PRKAR1A: variants seen among roughly 807,000 people sequenced by gnomAD.
PRKAR1A encodes cAMP-dependent protein kinase type I-alpha regulatory subunit.
PRKAR1A carries 3 observed loss-of-function variants against 52.0 expected under a neutral mutation model. The ratio of observed to expected loss-of-function variants is 0.06; its 90% CI spans 0.03 to 0.15. The LOEUF (loss-of-function observed/expected upper bound fraction) is 0.15, where lower values mean the gene tolerates loss of function less well. Among genes scored for constraint, PRKAR1A ranks in the 10% least tolerant of loss-of-function variants. The pLI is 1.00. For missense variants in PRKAR1A, 240 were observed against 477.4 expected, an observed-to-expected ratio of 0.50 and a Z score of 4.63; for synonymous variants, 188 against 168.4, an observed-to-expected ratio of 1.12 and a Z score of -0.90.
downstream of PRKAR1A, chr17:68,535,958 T>C (rs1370857253): frequency 6.6e-6 from 3 of 454,050 alleles, no homozygotes; most frequent in Non-Finnish European, 1.3e-5. Context: ...AGTTCTTCCA[T>C]GCACATTGGA....
downstream of PRKAR1A, chr17:68,536,102 A>C (rs879942743): frequency 2.2e-5 from 10 of 454,014 alleles, no homozygotes; most frequent in Admixed American, 1.6e-4. Flanking sequence ...CAGGGGCAGC[A>C]TACCAGTCAT....
At chr17:68,433,626 G>T in the PRKAR1A span, 1 of 1,455,782 alleles carries the variant, frequency 6.9e-7, no homozygotes, top group East Asian at 2.3e-5. Flanking sequence ...TGGGAGTTAT[G>T]GCCTTATAAC....
chr17:68,465,625 A>ACTTTTTTTTTTTTTTT, the PRKAR1A span, among the ~76,000 whole-genome samples: 1 of 67,186 alleles, frequency 1.5e-5, no homozygotes, highest in African/African-American at 5.8e-5. Context: ...ACGCCCAGCA[A>ACTTTTTTTTTTTTTTT]TTTTTTTTTT....
In PRKAR1A at chr17:68,530,873, G is replaced by T. The variant is rs2085955968; in HGVS notation, c.*424G>T. 12 of 1,139,278 alleles carry T rather than the reference G, an allele frequency of 1.1e-5. No homozygotes were observed. Among genetic ancestry groups the T allele is most frequent in the African/African-American group, 1.6e-5 (1 of 63,766 alleles). 70.6% of individuals were successfully genotyped at this position (1,139,278 alleles called of 1,614,324 possible). On this transcript the variant is annotated 3_prime_UTR_variant, in exon 11 of 11. Coordinates refer to ENST00000589228, the MANE Select transcript of PRKAR1A (RefSeq NM_002734.5). Reference sequence around the variant, plus strand: ...GCCATATATGCTGTATTTCTTTGTAGAATAAATGGTTTCTCATTAAACTCT... The same window carrying T: ...GCCATATATGCTGTATTTCTTTGTATAATAAATGGTTTCTCATTAAACTCT...
the PRKAR1A span, among the ~76,000 whole-genome samples, chr17:68,501,784 C>A: frequency 1.3e-5 from 2 of 152,144 alleles, no homozygotes; most frequent in African/African-American, 4.8e-5. Flanking sequence ...TTCCGACCAG[C>A]AAGGAAGCAA....
At chr17:68,435,843 G>A in the PRKAR1A span, 3 of 793,916 alleles carry the variant, frequency 3.8e-6, no homozygotes, top group East Asian at 2.7e-5. Flanking sequence ...TGTCCCCCAG[G>A]CCATCTGCAT....
At chr17:68,448,203 C>G in the PRKAR1A span, 1 of 152,352 alleles carries the variant, frequency 6.6e-6, no homozygotes, top group African/African-American at 2.4e-5. Flanking sequence ...CACAGAATCC[C>G]TACCTGGCAA....
intron 11 of PRKAR1A, among the ~76,000 whole-genome samples, chr17:68,549,084 T>C (rs570222733): frequency 6.6e-6 from 1 of 152,324 alleles, no homozygotes; most frequent in African/African-American, 2.4e-5. Flanking sequence ...CTGTGAGTTA[T>C]GTTAATTTAT....
chr17:68,433,627 G>T, the PRKAR1A span: 1 of 1,431,728 alleles, frequency 7.0e-7, no homozygotes, highest in Non-Finnish European at 9.8e-7. Flanking sequence ...GGGAGTTATG[G>T]CCTTATAACT....
chr17:68,464,687 CAAAAAAAAA>C, the PRKAR1A span, among the ~76,000 whole-genome samples: 1 of 124,604 alleles, frequency 8.0e-6, no homozygotes, highest in Non-Finnish European at 1.7e-5. Flanking sequence ...GACTCTGTCT[CAAAAAAAAA>C]AACAAAAAAA....
chr17:68,472,208 G>C, the PRKAR1A span, among the ~76,000 whole-genome samples: 6 of 152,240 alleles, frequency 3.9e-5, no homozygotes, highest in Admixed American at 3.9e-4. Flanking sequence ...TTCTTCTGTG[G>C]CCCAGGCAGG....
chr17:68,470,905 C>T, the PRKAR1A span, among the ~76,000 whole-genome samples: 1 of 152,128 alleles, frequency 6.6e-6, no homozygotes, highest in African/African-American at 2.4e-5. Context: ...ACTGCCACCC[C>T]CAAATCTCTT....
chr17:68,477,286 TTTCTC>T, the PRKAR1A span, among the ~76,000 whole-genome samples: 1 of 152,224 alleles, frequency 6.6e-6, no homozygotes, highest in African/African-American at 2.4e-5. Context: ...ATTCTTTTCT[TTTCTC>T]TGCTGTATCT....
At chr17:68,524,528 CTCTTTT>C (rs1272157886) in intron 5 of PRKAR1A, among the ~76,000 whole-genome samples, 1 of 152,158 alleles carries the variant, frequency 6.6e-6, no homozygotes, top group East Asian at 1.9e-4. Flanking sequence ...GACTATCTTC[CTCTTTT>C]TATTTTCTTA....
chr17:68,490,969 C>T, the PRKAR1A span, among the ~76,000 whole-genome samples: 1 of 152,154 alleles, frequency 6.6e-6, no homozygotes, highest in Non-Finnish European at 1.5e-5. Context: ...ATCTGTTAGC[C>T]TGGGATCAGC....
chr17:68,414,065 C>T, the PRKAR1A span: 1 of 158,200 alleles, frequency 6.3e-6, no homozygotes, highest in Non-Finnish European at 1.4e-5. Flanking sequence ...ATGCAGAAAT[C>T]ACCCGTCTTC....
Position 68,531,438 on chromosome 17 carries a change from A to G in PRKAR1A, c.*989A>G. 1 of 1,066,146 alleles carries G rather than the reference A, an allele frequency of 9.4e-7. No individual in the cohort carries two copies. Among genetic ancestry groups the G allele is most frequent in the East Asian group, 5.0e-5 (1 of 20,180 alleles). 66.0% of individuals were successfully genotyped at this position (1,066,146 alleles called of 1,614,324 possible). A position where few individuals can be genotyped will look rare whatever the true frequency, so the allele number is the denominator to read the frequency against. On this transcript the variant is annotated 3_prime_UTR_variant, in exon 11 of 11. Transcript: ENST00000589228. Reference sequence around the variant, plus strand: ...AGATGGAGCAAATGTCCTAACAGAGAAATAGAGGTGATGCTGCTAAAGGGA... The same window carrying G: ...AGATGGAGCAAATGTCCTAACAGAGGAATAGAGGTGATGCTGCTAAAGGGA...
the PRKAR1A span, chr17:68,457,336 G>C: frequency 1.9e-6 from 3 of 1,545,560 alleles, no homozygotes; most frequent in Non-Finnish European, 2.6e-6. Flanking sequence ...CCGAGTCGCA[G>C]CTTACGTGCA....
chr17:68,527,914 TG>T lies in PRKAR1A; in HGVS notation c.769+15del, dbSNP rs765951930. ...TCTCTATTTTAGGTGAGTTGTAAAG[TG>T]TGTTAACTTTGCTAGTATGTGAGAT... On this transcript the variant is annotated intron_variant, in intron 8 of 10. Transcript: ENST00000589228. The T allele has an allele frequency of 3.7e-6, 6 of 1,600,112 alleles. No individual in the cohort carries two copies. The highest frequency in any genetic ancestry group is 5.1e-6 in the Non-Finnish European group (6 of 1,167,542).
Sources: gnomAD v4.1 joint callset for allele counts (sites outside exome capture counted in the v4.1 genomes callset) on GRCh38, gnomAD v4.1.1 for gene constraint, MANE v1.5 for transcripts, NCBI Gene and HGNC (gene_info 2026-07-23, HGNC 2026-07-21) for gene names.